Variants in ANKRD50 observed in about 807,000 individuals in gnomAD.
ANKRD50 encodes the protein ankyrin repeat domain 50, also known as ankyrin repeat domain-containing protein 50.
ANKRD50 carries 40 observed loss-of-function variants against 112.0 expected under a neutral mutation model. The observed-to-expected ratio is 0.36, with a 90% CI of 0.28 to 0.46. The LOEUF (loss-of-function observed/expected upper bound fraction) is 0.46, where lower values mean the gene tolerates loss of function less well. Among genes scored for constraint, ANKRD50 ranks in the 20% least tolerant of loss-of-function variants. The pLI, the probability that ANKRD50 is intolerant of heterozygous loss-of-function variation, is 1.00. For missense variants in ANKRD50, 1,487 were observed against 1,701.7 expected (o/e 0.87, Z 2.22); for synonymous variants, 613 against 619.1 (o/e 0.99, Z 0.15).
In ANKRD50 at chr4:124,678,794, G is replaced by A; in HGVS notation, c.624C>T (p.Thr208=). 3 of 1,613,810 alleles carry A rather than the reference G, an allele frequency of 1.9e-6. No individual in the cohort carries two copies. The highest frequency in any genetic ancestry group is 2.2e-5 in the East Asian group (1 of 44,842). The change falls in exon 3 of 5, where the codon ACC becomes ACT. Residue 208 remains threonine, a synonymous_variant. Coordinates refer to ENST00000504087, the MANE Select transcript of ANKRD50 (RefSeq NM_020337.3). The part of the protein sequence containing the change: ...CNITEGEQTS[T]SLSGTVAALL... ...GTGCTGCAACAGTCCCAGATAAGCTGGTAGACGTTTGTTCACCTTCAGTAA... is the reference window on the plus strand; with the variant it reads ...GTGCTGCAACAGTCCCAGATAAGCTAGTAGACGTTTGTTCACCTTCAGTAA...
rs1725126382 is a variant in ANKRD50, at chr4:124,691,162, A to T, written c.513-12257T>A. Among the ~76,000 whole-genome samples the T allele has an allele frequency of 1.3e-5, 2 of 152,152 alleles. 1 individual carries two copies. Among genetic ancestry groups the T allele is most frequent in the South Asian group, 4.1e-4 (2 of 4,822 alleles). On this transcript the variant is annotated intron_variant, in intron 2 of 4. Transcript: ENST00000504087. ...ACTTTCACTTACGATTCAAAATATT[A>T]TGTTATTCTGCACTTGTTTGTTATC...
Position 124,672,632 on chromosome 4 carries a change from TTAA to T in ANKRD50, c.743-101_743-99del, listed in dbSNP as rs1730689928. On this transcript the variant is annotated intron_variant, in intron 3 of 4. Coordinates refer to ENST00000504087, the MANE Select transcript of ANKRD50 (RefSeq NM_020337.3). ...TGTCAACATATAATAAATAAATCAA[TTAA>T]TAAATTAATACTAATAAGCAGATCA... is the stretch of plus-strand genomic sequence containing the variant. The T allele has an allele frequency of 6.3e-6, 5 of 796,918 alleles. No homozygotes were observed. In the Admixed American group the frequency reaches 1.0e-4, roughly 16 times the overall value. 49.4% of individuals were successfully genotyped at this position (796,918 alleles called of 1,614,324 possible).
chr4:124,668,971 G>T lies in ANKRD50; in HGVS notation c.*3+13C>A. 2 of 1,587,694 alleles carry T rather than the reference G, an allele frequency of 1.3e-6. No homozygotes were observed. Among genetic ancestry groups the T allele is most frequent in the Non-Finnish European group, 1.7e-6 (2 of 1,173,194 alleles). ...ACTTTTGTTTTTTACTCTTTATGTTGACAAAATATTACCTTTTATAATGGT... is the reference window on the plus strand; with the variant it reads ...ACTTTTGTTTTTTACTCTTTATGTTTACAAAATATTACCTTTTATAATGGT... On this transcript the variant is annotated intron_variant, in intron 4 of 4. Coordinates refer to ENST00000504087, the MANE Select transcript of ANKRD50 (RefSeq NM_020337.3).
At chr4:124,696,153 T>C (rs1415858131) in intron 2 of ANKRD50, among the ~76,000 whole-genome samples, 1 of 151,962 alleles carries the variant, frequency 6.6e-6, no homozygotes, top group Non-Finnish European at 1.5e-5. Context: ...TAAAAATAGA[T>C]AAAGAATTAT....
At chr4:124,689,418 T>G (rs978925291) in intron 2 of ANKRD50, among the ~76,000 whole-genome samples, 1 of 152,184 alleles carries the variant, frequency 6.6e-6, no homozygotes, top group Non-Finnish European at 1.5e-5. Context: ...CCCAGACATT[T>G]GGTCAAATAT....
At chr4:124,683,147 GTATA>G (rs1425607632) in intron 2 of ANKRD50, among the ~76,000 whole-genome samples, 2 of 151,060 alleles carry the variant, frequency 1.3e-5, no homozygotes, top group African/African-American at 4.9e-5. Flanking sequence ...ACATATATAT[GTATA>G]TATTTATACA....
intron 2 of ANKRD50, among the ~76,000 whole-genome samples, chr4:124,696,666 C>T (rs1725259388): frequency 6.6e-6 from 1 of 151,690 alleles, no homozygotes; most frequent in South Asian, 2.1e-4. Flanking sequence ...AGAAGCTTTT[C>T]AACAAAAACT....
chr4:124,708,697 C>T (rs1725559570), intron 2 of ANKRD50, among the ~76,000 whole-genome samples: 1 of 137,604 alleles, frequency 7.3e-6, no homozygotes, highest in African/African-American at 2.7e-5. Context: ...CACATACACA[C>T]ACACACACAC....
At chr4:124,707,159 C>A (rs1725523864) in intron 2 of ANKRD50, among the ~76,000 whole-genome samples, 1 of 152,048 alleles carries the variant, frequency 6.6e-6, no homozygotes, top group Non-Finnish European at 1.5e-5. Flanking sequence ...TGTTTGCTTA[C>A]ATTTATATTT....
In ANKRD50 at chr4:124,678,811, C is replaced by T; in HGVS notation, c.607G>A (p.Gly203Ser). The T allele has an allele frequency of 1.2e-6, 2 of 1,613,790 alleles. No homozygotes were observed. The highest frequency in any genetic ancestry group is 1.1e-5 in the South Asian group (1 of 91,068). The change falls in exon 3 of 5, where the codon GGT becomes AGT. Residue 203 changes from glycine (G) to serine (S), a missense_variant. Physicochemically the swap from Gly to Ser is moderately conservative, Grantham distance 56. Coordinates refer to ENST00000504087, the MANE Select transcript of ANKRD50 (RefSeq NM_020337.3). Reference protein sequence around the residue: ...SVDEGCNITEGEQTSTSLSGT... With the variant: ...SVDEGCNITESEQTSTSLSGT... Reference sequence around the variant, plus strand: ...GATAAGCTGGTAGACGTTTGTTCACCTTCAGTAATGTTACACCCTTCATCA... The same window carrying T: ...GATAAGCTGGTAGACGTTTGTTCACTTTCAGTAATGTTACACCCTTCATCA...
intron 2 of ANKRD50, among the ~76,000 whole-genome samples, chr4:124,690,169 A>C (rs1387232317): frequency 6.6e-6 from 1 of 152,222 alleles, no homozygotes; most frequent in Non-Finnish European, 1.5e-5. Flanking sequence ...TACCTCTCAA[A>C]TGCAGGGACA....
chr4:124,707,178 G>A (rs183952712), intron 2 of ANKRD50, among the ~76,000 whole-genome samples: 41 of 152,084 alleles, frequency 2.7e-4, no homozygotes, highest in Non-Finnish European at 5.4e-4. Flanking sequence ...TTAATCTCCT[G>A]TCATGTTATA....
chr4:124,687,142 C>T (rs188662603), intron 2 of ANKRD50, among the ~76,000 whole-genome samples: 1 of 152,216 alleles, frequency 6.6e-6, no homozygotes, highest in Non-Finnish European at 1.5e-5. Flanking sequence ...AGACAGTATG[C>T]TATGTATTTG....
intron 2 of ANKRD50, among the ~76,000 whole-genome samples, chr4:124,695,460 T>A (rs192119834): frequency 1.5e-4 from 23 of 152,226 alleles, no homozygotes; most frequent in African/African-American, 5.3e-4. Context: ...AGTGCAAACA[T>A]GTGGTGTCCT....
rs768394815 is a variant in ANKRD50, at chr4:124,670,419, A to C, written c.2858T>G (p.Leu953Trp). The C allele has an allele frequency of 1.6e-5, 26 of 1,613,762 alleles. No homozygotes were observed. Among genetic ancestry groups the C allele is most frequent in the Non-Finnish European group, 2.2e-5 (26 of 1,179,900 alleles). ...CATTGTAAGCTGATTTTCTAAGGCC[A>C]AGATATAAAGTGTAGGCCGACCATC... ...DADGRPTLYI[L>W]ALENQLTMAE... Residue 953 changes from leucine (L) to tryptophan (W), a missense_variant, in exon 4 of 5, where the codon TTG becomes TGG. Physicochemically the swap from Leu to Trp is moderately conservative, Grantham distance 61 (BLOSUM62 -2). This residue lies in a region of ANKRD50 where 1,046 missense variants were observed against 1,269.5 expected (regional missense o/e 0.82). Coordinates refer to ENST00000504087, the MANE Select transcript of ANKRD50 (RefSeq NM_020337.3).
intron 2 of ANKRD50, among the ~76,000 whole-genome samples, chr4:124,693,017 G>C (rs1725171426): frequency 6.6e-6 from 1 of 152,152 alleles, no homozygotes; most frequent in Non-Finnish European, 1.5e-5. Flanking sequence ...AGCTTGCTAA[G>C]TGAGACAAGT....
chr4:124,710,789 T>C lies in ANKRD50; in HGVS notation c.-278A>G, dbSNP rs901661887. Reference sequence around the variant, plus strand: ...TTTTCCTAAATTTTAATGAGTCACATAACTCCATGGTTATAACTGGAGTTT... The same window carrying C: ...TTTTCCTAAATTTTAATGAGTCACACAACTCCATGGTTATAACTGGAGTTT... On this transcript the variant is annotated 5_prime_UTR_variant, in exon 2 of 5. The change abolishes an upstream ATG in the 5' untranslated region. Transcript: ENST00000504087. The C allele has an allele frequency of 6.0e-6, 3 of 498,426 alleles. No individual in the cohort carries two copies. In the East Asian group the frequency reaches 8.7e-5, roughly 14 times the overall value. 30.9% of individuals were successfully genotyped at this position (498,426 alleles called of 1,614,324 possible). A position where few individuals can be genotyped will look rare whatever the true frequency, so the allele number is the denominator to read the frequency against.
chr4:124,677,620 TAAGAA>T (rs1333681411), intron 3 of ANKRD50, among the ~76,000 whole-genome samples: 10 of 151,930 alleles, frequency 6.6e-5, no homozygotes, highest in African/African-American at 2.4e-4. Flanking sequence ...AAAAATCCTA[TAAGAA>T]AAGTAATATT....
chr4:124,706,548 T>C (rs775025656), intron 2 of ANKRD50, among the ~76,000 whole-genome samples: 1 of 152,092 alleles, frequency 6.6e-6, no homozygotes, highest in Non-Finnish European at 1.5e-5. Context: ...AAAAGATAAG[T>C]GGATTTAAAA....
Sources: allele counts gnomAD v4.1 joint callset (sites outside exome capture counted in the v4.1 genomes callset), GRCh38; gene constraint gnomAD v4.1.1; regional missense constraint gnomAD v4.1.1; transcripts MANE v1.5; gene names NCBI Gene and HGNC (gene_info 2026-07-23, HGNC 2026-07-21).